DNAH3: variants seen among roughly 807,000 people sequenced by gnomAD.
The protein encoded by DNAH3 is dynein axonemal heavy chain 3.
Under a neutral mutation model 432.5 loss-of-function variants are expected in DNAH3, and 332 were observed. That is an observed-to-expected ratio of 0.77 (90% confidence interval 0.70 to 0.84). The LOEUF (loss-of-function observed/expected upper bound fraction) is 0.84. Among genes scored for constraint, DNAH3 ranks in the 40% least tolerant of loss-of-function variants. The pLI is 0.00. For synonymous variants in DNAH3, 1,956 were observed against 1,900.2 expected (o/e 1.03, Z -0.76); for missense variants, 4,861 against 5,114.0 (o/e 0.95, Z 1.51).
chr16:21,153,131 G>A (rs1477530973), intron 1 of DNAH3, among the ~76,000 whole-genome samples: 1 of 152,224 alleles, frequency 6.6e-6, no homozygotes, highest in African/African-American at 2.4e-5. Flanking sequence ...TCAGCACCCT[G>A]AGTCTAACTC....
At chr16:21,104,343 G>A (rs920050324) in intron 16 of DNAH3, 128 bp downstream of exon 16, 3 of 773,442 alleles carry the variant, frequency 3.9e-6, no homozygotes, top group Non-Finnish European at 4.5e-6. Flanking sequence ...TCCACCAATT[G>A]TTTTCAGACT....
At chr16:21,130,368 G>A (rs907959743) in intron 7 of DNAH3, among the ~76,000 whole-genome samples, 13 of 150,002 alleles carry the variant, frequency 8.7e-5, no homozygotes, top group African/African-American at 2.9e-4. Context: ...GTGCAGTGGC[G>A]ATCTTGGCTC....
At chr16:20,973,499 C>T (rs7202766) in intron 51 of DNAH3, among the ~76,000 whole-genome samples, 234 of 152,110 alleles carry the variant, frequency 1.5e-3, no homozygotes, top group African/African-American at 5.4e-3. Flanking sequence ...GTGATCTGCC[C>T]ACCTTGGCCT....
intron 22 of DNAH3, among the ~76,000 whole-genome samples, 176 bp downstream of exon 22, chr16:21,070,534 C>T (rs542440159): frequency 2.6e-5 from 4 of 152,232 alleles, no homozygotes; most frequent in Non-Finnish European, 5.9e-5. Flanking sequence ...CTGCCCGCCT[C>T]GGCCTCCCAA....
At position 20,969,125 on chromosome 16, in the gene DNAH3, CCTGT is replaced by C. The variant is rs2085204008; in HGVS notation, c.8458+663_8458+666del. Among the ~76,000 whole-genome samples, 5 of 118,378 alleles carry C rather than the reference CCTGT, an allele frequency of 4.2e-5. No individual in the cohort carries two copies. In the South Asian group the frequency reaches 1.1e-3, roughly 26 times the overall value. The allele number at this position is 118,378 out of a possible 152,430, so 77.7% of individuals were successfully genotyped here. ...GTGTGTGTGTGTGTGTGTGTGTTTC[CCTGT>C]CTCTTTCTCCCGATTTCCTTCTCTC... On this transcript the variant is annotated intron_variant, in intron 52 of 61. Coordinates refer to ENST00000261383, the Ensembl canonical transcript of DNAH3.
intron 54 of DNAH3, among the ~76,000 whole-genome samples, chr16:20,957,224 T>G (rs1036949406): frequency 2.6e-5 from 4 of 152,198 alleles, no homozygotes; most frequent in African/African-American, 9.6e-5. Context: ...TTTTTTTCTG[T>G]AAAGGACCAA....
At chr16:21,051,803 A>G (rs990461544) in exon 29 of DNAH3, 1 of 1,613,898 alleles carries the variant, frequency 6.2e-7, no homozygotes, top group African/African-American at 1.3e-5. Flanking sequence ...CGCAGCTGTG[A>G]GATCCATTGG....
At chr16:21,154,183 C>A (rs1013390320) in intron 1 of DNAH3, among the ~76,000 whole-genome samples, 2 of 152,200 alleles carry the variant, frequency 1.3e-5, no homozygotes, top group African/African-American at 4.8e-5. Context: ...GCGAGTGGAT[C>A]GCCTGAGGTC....
intron 48 of DNAH3, among the ~76,000 whole-genome samples, chr16:20,984,029 G>GAAAAAAGAAAAAAAAAAAAA (rs2086051499): frequency 8.9e-5 from 10 of 112,156 alleles, no homozygotes; most frequent in African/African-American, 3.1e-4. Context: ...CCTATATCCA[G>GAAAAAAGAAAAAAAAAAAAA]AAAAAAAAAA....
At chr16:20,948,361 G>T in intron 57 of DNAH3, 122 bp downstream of exon 57, 1 of 983,126 alleles carries the variant, frequency 1.0e-6, no homozygotes, top group Non-Finnish European at 1.5e-6. Flanking sequence ...ATAGCTTATG[G>T]ATTCAATTCA....
Position 21,078,925 on chromosome 16 carries a change from G to A in DNAH3, c.2969+2711C>T, listed in dbSNP as rs937784149. On this transcript the variant is annotated intron_variant, in intron 20 of 61. Coordinates refer to ENST00000261383, the Ensembl canonical transcript of DNAH3. Reference sequence around the variant, plus strand: ...GACATGGAATCAGTTCAGGTGACATGCCTTTTCTCCTAATCCTAACTCTAA... The same window carrying A: ...GACATGGAATCAGTTCAGGTGACATACCTTTTCTCCTAATCCTAACTCTAA... Among the ~76,000 whole-genome samples, 10 of 152,330 alleles carry A rather than the reference G, an allele frequency of 6.6e-5. No individual in the cohort carries two copies. The South Asian group carries it at 2.1e-3, about 32-fold the overall frequency.
chr16:21,127,781 C>T (rs775614321), exon 8 of DNAH3: 16 of 1,614,136 alleles, frequency 9.9e-6, no homozygotes, highest in Non-Finnish European at 1.4e-5. Context: ...GCTAGTATTT[C>T]TGCTGTTCGA....
At chr16:20,941,328 C>T in intron 59 of DNAH3, 73 bp downstream of exon 59, 1 of 1,584,820 alleles carries the variant, frequency 6.3e-7, no homozygotes, top group Non-Finnish European at 8.6e-7. Context: ...GCAACCCCTT[C>T]TCAGCTACTG....
At chr16:21,064,062 G>A (rs961294628) in intron 24 of DNAH3, among the ~76,000 whole-genome samples, 2 of 152,156 alleles carry the variant, frequency 1.3e-5, no homozygotes. Flanking sequence ...TCATCAAGGG[G>A]TGGAGTCTGT....
intron 12 of DNAH3, among the ~76,000 whole-genome samples, chr16:21,112,930 T>C (rs1454560819): frequency 2.6e-5 from 4 of 152,206 alleles, no homozygotes; most frequent in African/African-American, 4.8e-5. Flanking sequence ...GGAATGGCTG[T>C]ATTTACCCAA....
chr16:21,097,412 C>T (rs1254856050), exon 18 of DNAH3: 1 of 1,614,038 alleles, frequency 6.2e-7, no homozygotes, highest in Non-Finnish European at 8.5e-7. Flanking sequence ...CACAGCTGCT[C>T]ATAAGGTACT....
At chr16:20,948,169 A>G (rs766712137) in intron 57 of DNAH3, among the ~76,000 whole-genome samples, 8 of 152,088 alleles carry the variant, frequency 5.3e-5, no homozygotes, top group Non-Finnish European at 7.3e-5. Flanking sequence ...CACCTTCTGA[A>G]TCTTCGTCTT....
exon 7 of DNAH3, chr16:21,134,305 T>C (rs369607868): frequency 7.4e-6 from 12 of 1,613,948 alleles, no homozygotes; most frequent in African/African-American, 6.7e-5. Flanking sequence ...GGGTTCACCG[T>C]GTGCAGATGC....
At chr16:21,053,718 TGA>T (rs1442634817) in intron 28 of DNAH3, among the ~76,000 whole-genome samples, 1 of 152,088 alleles carries the variant, frequency 6.6e-6, no homozygotes, top group African/African-American at 2.4e-5. Context: ...GCTGGGAGTG[TGA>T]GCAAGAGACT....
Sources: gnomAD v4.1 joint callset for allele counts (sites outside exome capture counted in the v4.1 genomes callset) on GRCh38, gnomAD v4.1.1 for gene constraint, MANE v1.5 for transcripts, NCBI Gene and HGNC (gene_info 2026-07-23, HGNC 2026-07-21) for gene names.